Variants in STRN3 observed in about 807,000 individuals in gnomAD.
STRN3 encodes the protein striatin-3.
Under a neutral mutation model 95.6 loss-of-function variants are expected in STRN3, and 29 were observed. The observed-to-expected ratio is 0.30, with a 90% CI of 0.23 to 0.41. The LOEUF (loss-of-function observed/expected upper bound fraction) is 0.41. Ranked by LOEUF, STRN3 falls within the 10% of genes least tolerant of loss-of-function variation. The pLI is 1.00. For synonymous variants in STRN3, 331 were observed against 357.6 expected (o/e 0.93, Z 0.84); for missense variants, 890 against 972.1 (o/e 0.92, Z 1.12).
chr14:31,002,775 C>T (rs751352588), intron 1 of STRN3, among the ~76,000 whole-genome samples: 1 of 151,924 alleles, frequency 6.6e-6, no homozygotes, highest in Non-Finnish European at 1.5e-5. Context: ...ATGTAAGGTA[C>T]CTAGAGTAGT....
At chr14:30,996,922 T>C (rs181598747) in intron 1 of STRN3, among the ~76,000 whole-genome samples, 1 of 151,746 alleles carries the variant, frequency 6.6e-6, no homozygotes, top group Non-Finnish European at 1.5e-5. Context: ...AAAAGAACAA[T>C]TACAAGGACC....
At chr14:30,906,143 A>T (rs1023216174) in intron 14 of STRN3, among the ~76,000 whole-genome samples, 7 of 152,212 alleles carry the variant, frequency 4.6e-5, no homozygotes, top group African/African-American at 7.2e-5. Flanking sequence ...TGGAATATGG[A>T]GCCAAGCTAT....
chr14:30,969,918 G>A (rs769729367), intron 1 of STRN3, among the ~76,000 whole-genome samples: 26 of 152,064 alleles, frequency 1.7e-4, no homozygotes, highest in Non-Finnish European at 3.4e-4. Flanking sequence ...CCTACCTTGT[G>A]CTGCTAACCA....
chr14:30,908,411 T>C (rs1896523620), intron 13 of STRN3, among the ~76,000 whole-genome samples: 2 of 152,222 alleles, frequency 1.3e-5, no homozygotes, highest in Non-Finnish European at 2.9e-5. Context: ...TCTTTGATGA[T>C]ACAAAACATT....
At chr14:31,001,917 G>A (rs571221203) in intron 1 of STRN3, among the ~76,000 whole-genome samples, 1 of 152,116 alleles carries the variant, frequency 6.6e-6, no homozygotes, top group African/African-American at 2.4e-5. Context: ...TGTAATCCCA[G>A]CACTTTGGGA....
chr14:30,970,167 T>C (rs1880753117), intron 1 of STRN3, among the ~76,000 whole-genome samples: 1 of 152,226 alleles, frequency 6.6e-6, no homozygotes, highest in Admixed American at 6.5e-5. Context: ...GCTTGCCCTG[T>C]TATACCCTGT....
intron 16 of STRN3, among the ~76,000 whole-genome samples, chr14:30,902,267 A>G (rs1413974056): frequency 6.6e-6 from 1 of 151,472 alleles, no homozygotes; most frequent in Non-Finnish European, 1.5e-5. Context: ...TTCATAACAG[A>G]ATATGAGGGA....
chr14:30,895,768 G>C lies in STRN3; in HGVS notation c.2138-20C>G. The stretch of plus-strand genomic sequence containing the variant: ...TTTTACCTAAACAAAACATAACAGA[G>C]AACTGATTAAGTTTTCACAAATACT... On this transcript the variant is annotated intron_variant, in intron 16 of 17. Coordinates refer to ENST00000357479, the MANE Select transcript of STRN3 (RefSeq NM_001083893.2). 1 of 1,591,810 alleles carries C rather than the reference G, an allele frequency of 6.3e-7. No homozygotes were observed. The highest frequency in any genetic ancestry group is 8.5e-7 in the Non-Finnish European group (1 of 1,170,146).
intron 3 of STRN3, among the ~76,000 whole-genome samples, chr14:30,954,828 T>G (rs1879822369): frequency 6.6e-6 from 1 of 151,974 alleles, no homozygotes; most frequent in South Asian, 2.1e-4. Context: ...TAGCCTCCTT[T>G]CTTTACACAC....
At chr14:30,974,617 A>AAT (rs1404315221) in intron 1 of STRN3, among the ~76,000 whole-genome samples, 2 of 151,722 alleles carry the variant, frequency 1.3e-5, no homozygotes, top group Non-Finnish European at 2.9e-5. Context: ...CAAAAAAAAA[A>AAT]AAAAAACCTT....
In STRN3 at chr14:30,945,459, G is replaced by A. The variant is rs546500606; in HGVS notation, c.716+1631C>T. ...CAAAATCCTGTCTCTACAAAAATTA[G>A]TCAGGCATGGTGTTGTGAACCTGTG... On this transcript the variant is annotated intron_variant, in intron 5 of 17. Coordinates refer to ENST00000357479, the MANE Select transcript of STRN3 (RefSeq NM_001083893.2). Among the ~76,000 whole-genome samples, 96 of 152,142 alleles carry A rather than the reference G, an allele frequency of 6.3e-4. 1 individual carries two copies. Among genetic ancestry groups the A allele is most frequent in the Middle Eastern group, 3.4e-3 (1 of 294 alleles).
chr14:30,915,614 G>A (rs925862404), intron 9 of STRN3, among the ~76,000 whole-genome samples: 1 of 152,080 alleles, frequency 6.6e-6, no homozygotes, highest in Non-Finnish European at 1.5e-5. Context: ...TATGTTTAAG[G>A]ATAATTATAT....
chr14:30,991,613 G>GT (rs1261747419), intron 1 of STRN3, among the ~76,000 whole-genome samples: 2 of 152,176 alleles, frequency 1.3e-5, no homozygotes, highest in African/African-American at 4.8e-5. Context: ...AGAGGAAACA[G>GT]TATGTGTGAA....
At position 30,929,138 on chromosome 14, in the gene STRN3, T is replaced by A. The variant is rs566234704; in HGVS notation, c.1099+63A>T. 311 of 1,379,440 alleles carry A rather than the reference T, an allele frequency of 2.3e-4. No homozygotes were observed. In the African/African-American group the frequency reaches 4.1e-3, roughly 18 times the overall value. 85.5% of individuals were successfully genotyped at this position (1,379,440 alleles called of 1,614,324 possible). Reference sequence around the variant, plus strand: ...AATTAAGTTACACAAAGAAACAGAATTGAAGAACTTTTTTCTCAATTATTG... The same window carrying A: ...AATTAAGTTACACAAAGAAACAGAAATGAAGAACTTTTTTCTCAATTATTG... On this transcript the variant is annotated intron_variant, in intron 8 of 17. Coordinates refer to ENST00000357479, the MANE Select transcript of STRN3 (RefSeq NM_001083893.2).
At chr14:30,931,334 C>A (rs1878527086) in intron 7 of STRN3, among the ~76,000 whole-genome samples, 1 of 151,790 alleles carries the variant, frequency 6.6e-6, no homozygotes, top group South Asian at 2.1e-4. Flanking sequence ...TTTAAAAAAT[C>A]TAGGGGGAAA....
intron 1 of STRN3, among the ~76,000 whole-genome samples, chr14:30,994,875 A>C (rs1183700834): frequency 1.3e-5 from 2 of 152,272 alleles, no homozygotes; most frequent in African/African-American, 4.8e-5. Flanking sequence ...CATCTTATTA[A>C]GAACATCTCT....
intron 15 of STRN3, among the ~76,000 whole-genome samples, chr14:30,904,777 C>T (rs1159449415): frequency 6.6e-6 from 1 of 151,844 alleles, no homozygotes; most frequent in Non-Finnish European, 1.5e-5. Context: ...TTGCCAAGAA[C>T]ATTTAAAAAT....
intron 1 of STRN3, among the ~76,000 whole-genome samples, chr14:30,966,590 A>G (rs1485899664): frequency 6.6e-6 from 1 of 152,178 alleles, no homozygotes; most frequent in East Asian, 1.9e-4. Flanking sequence ...GGATCCTCAC[A>G]TACTGCTGCG....
intron 3 of STRN3, among the ~76,000 whole-genome samples, chr14:30,951,650 A>G (rs529124554): frequency 6.6e-6 from 1 of 152,332 alleles, no homozygotes; most frequent in East Asian, 1.9e-4. Context: ...ACATAAAAAT[A>G]TTGAATACCT....
Sources: allele counts gnomAD v4.1 joint callset (sites outside exome capture counted in the v4.1 genomes callset), GRCh38; gene constraint gnomAD v4.1.1; transcripts MANE v1.5; gene names NCBI Gene and HGNC (gene_info 2026-07-23, HGNC 2026-07-21).